FHIT: variants seen among roughly 807,000 people sequenced by gnomAD.
FHIT encodes bis(5'-adenosyl)-triphosphatase.
Under a neutral mutation model 17.9 loss-of-function variants are expected in FHIT, and 19 were observed. The observed-to-expected ratio is 1.06, with a 90% CI of 0.74 to 1.56. The LOEUF (loss-of-function observed/expected upper bound fraction) is 1.56. FHIT is among the 40% of genes most tolerant of loss of function. FHIT has a pLI of 0.00. For missense variants in FHIT, 248 were observed against 189.2 expected, an observed-to-expected ratio of 1.31 and a Z score of -1.82; for synonymous variants, 81 against 69.7, an observed-to-expected ratio of 1.16 and a Z score of -0.81.
intron 5 of FHIT, among the ~76,000 whole-genome samples, chr3:60,037,069 C>T (rs892976891): frequency 3.3e-5 from 5 of 152,314 alleles, no homozygotes; most frequent in East Asian, 1.9e-4. Flanking sequence ...CGTAGACCAA[C>T]GTCACCTTGT....
chr3:60,252,231 A>G (rs1343694456), intron 5 of FHIT, among the ~76,000 whole-genome samples: 1 of 152,198 alleles, frequency 6.6e-6, no homozygotes, highest in East Asian at 1.9e-4. Context: ...AGTCTACACA[A>G]GTAGACAAAG....
At chr3:60,147,590 G>T (rs1210328258) in intron 5 of FHIT, among the ~76,000 whole-genome samples, 2 of 152,086 alleles carry the variant, frequency 1.3e-5, no homozygotes, top group Non-Finnish European at 2.9e-5. Context: ...CTTGGTCACA[G>T]AATTTCTTTG....
At chr3:60,006,186 G>T (rs973024250) in intron 7 of FHIT, among the ~76,000 whole-genome samples, 1 of 152,148 alleles carries the variant, frequency 6.6e-6, no homozygotes, top group African/African-American at 2.4e-5. Context: ...GACAGAGAGG[G>T]CCAGTATTAT....
At chr3:59,879,233 G>A (rs1008878912) in intron 8 of FHIT, among the ~76,000 whole-genome samples, 1 of 152,094 alleles carries the variant, frequency 6.6e-6, no homozygotes, top group Admixed American at 6.6e-5. Flanking sequence ...TTGTTATCAT[G>A]AAAAATGACA....
intron 5 of FHIT, among the ~76,000 whole-genome samples, chr3:60,094,666 T>A (rs1328131900): frequency 6.6e-6 from 1 of 152,118 alleles, no homozygotes; most frequent in East Asian, 1.9e-4. Context: ...CAAAGCCACA[T>A]CATTTTCCCC....
At chr3:60,871,756 C>T (rs1190850825) in intron 3 of FHIT, among the ~76,000 whole-genome samples, 1 of 152,056 alleles carries the variant, frequency 6.6e-6, no homozygotes, top group African/African-American at 2.4e-5. Context: ...ACCTCAGCCT[C>T]CTGAGTAGCT....
At chr3:60,807,845 A>AAT (rs1261734668) in intron 4 of FHIT, among the ~76,000 whole-genome samples, 64 of 152,212 alleles carry the variant, frequency 4.2e-4, no homozygotes, top group African/African-American at 6.0e-4. Context: ...TTACTAAAAA[A>AAT]AAAATAAAAT....
intron 8 of FHIT, among the ~76,000 whole-genome samples, chr3:59,900,649 T>C (rs747165191): frequency 6.6e-6 from 1 of 152,164 alleles, no homozygotes; most frequent in African/African-American, 2.4e-5. Flanking sequence ...AGTTTCACTC[T>C]GTTGCCCAGG....
intron 3 of FHIT, among the ~76,000 whole-genome samples, chr3:61,041,374 T>TAA (rs779424724): frequency 7.2e-6 from 1 of 138,834 alleles, no homozygotes; most frequent in Admixed American, 7.2e-5. Flanking sequence ...TGGCTCCATC[T>TAA]AAAAAAAAAA....
At chr3:61,029,502 C>A (rs974194025) in intron 3 of FHIT, among the ~76,000 whole-genome samples, 1 of 152,084 alleles carries the variant, frequency 6.6e-6, no homozygotes, top group African/African-American at 2.4e-5. Flanking sequence ...ACTAAGCCAT[C>A]CAGTACCACT....
intron 5 of FHIT, among the ~76,000 whole-genome samples, chr3:60,381,855 C>T (rs1700813162): frequency 6.6e-6 from 1 of 152,052 alleles, no homozygotes; most frequent in Non-Finnish European, 1.5e-5. Flanking sequence ...TCAGAACACC[C>T]ACAGTAAACA....
chr3:60,952,179 CAA>C (rs67284263), intron 3 of FHIT, among the ~76,000 whole-genome samples: 2,356 of 103,104 alleles, frequency 0.023, 52 homozygotes, highest in African/African-American at 0.057. Flanking sequence ...ACCCCCCCCC[CAA>C]AAAAAAAAAA....
intron 5 of FHIT, among the ~76,000 whole-genome samples, chr3:60,340,214 A>G (rs944581097): frequency 2.6e-5 from 4 of 152,190 alleles, no homozygotes; most frequent in Non-Finnish European, 5.9e-5. Context: ...ATTACTAAAA[A>G]CTTTAGGAAA....
At chr3:60,955,597 CATATATATATATATAT>C (rs201555469) in intron 3 of FHIT, among the ~76,000 whole-genome samples, 1 of 77,656 alleles carries the variant, frequency 1.3e-5, no homozygotes, top group Non-Finnish European at 2.7e-5. Flanking sequence ...CATATATATA[CATATATATATATATAT>C]ATATATATAT....
intron 4 of FHIT, among the ~76,000 whole-genome samples, chr3:60,695,021 C>A (rs1214544597): frequency 6.6e-6 from 1 of 152,050 alleles, no homozygotes; most frequent in Non-Finnish European, 1.5e-5. Flanking sequence ...TGTAACAAAC[C>A]TGCACGTTGT....
intron 7 of FHIT, among the ~76,000 whole-genome samples, chr3:59,957,020 A>C (rs1707437703): frequency 6.6e-6 from 1 of 152,196 alleles, no homozygotes. Flanking sequence ...ACTCTACAGA[A>C]CAGGGACTTT....
intron 5 of FHIT, among the ~76,000 whole-genome samples, chr3:60,333,809 C>A (rs559096050): frequency 6.6e-6 from 1 of 152,124 alleles, no homozygotes; most frequent in African/African-American, 2.4e-5. Context: ...TCAGGCCTCC[C>A]AGATAGGATC....
At chr3:60,350,167 T>C (rs1711015375) in intron 5 of FHIT, among the ~76,000 whole-genome samples, 2 of 152,138 alleles carry the variant, frequency 1.3e-5, no homozygotes, top group Non-Finnish European at 1.5e-5. Flanking sequence ...AAAATAATAA[T>C]GTCAGTTGCA....
At chr3:60,595,491 G>GTA (rs1428656932) in intron 4 of FHIT, among the ~76,000 whole-genome samples, 1 of 140,572 alleles carries the variant, frequency 7.1e-6, no homozygotes, top group East Asian at 2.1e-4. Context: ...ATATAAATAT[G>GTA]TATATATGTG....
Sources: allele counts gnomAD v4.1 joint callset (sites outside exome capture counted in the v4.1 genomes callset), GRCh38; gene constraint gnomAD v4.1.1; transcripts MANE v1.5; gene names NCBI Gene and HGNC (gene_info 2026-07-23, HGNC 2026-07-21).